RALGAPA1: variants seen among roughly 807,000 people sequenced by gnomAD.
RALGAPA1 encodes the protein Ral GTPase activating protein catalytic subunit alpha 1.
A neutral mutation model predicts 269.6 loss-of-function variants in RALGAPA1; 52 were observed. That is an observed-to-expected ratio of 0.19 (90% CI 0.15 to 0.24). The LOEUF is 0.24. Among genes scored for constraint, RALGAPA1 ranks in the 10% least tolerant of loss-of-function variants. The pLI, the probability that RALGAPA1 is intolerant of heterozygous loss-of-function variation, is 1.00. For synonymous variants in RALGAPA1, 817 were observed against 1,008.3 expected (o/e 0.81, Z 3.60); for missense variants, 1,917 against 3,013.9 (o/e 0.64, Z 8.52).
chr14:35,685,981 T>G (rs930316595), intron 19 of RALGAPA1, among the ~76,000 whole-genome samples: 7 of 152,154 alleles, frequency 4.6e-5, no homozygotes, highest in Admixed American at 1.3e-4. Flanking sequence ...GTTGCCATAC[T>G]CCTAACATTC....
intron 35 of RALGAPA1, among the ~76,000 whole-genome samples, chr14:35,610,696 C>A (rs990330145): frequency 1.3e-5 from 2 of 152,124 alleles, no homozygotes; most frequent in Non-Finnish European, 1.5e-5. Context: ...GCAAAAATAT[C>A]TGACTTGCAC....
intron 39 of RALGAPA1, among the ~76,000 whole-genome samples, chr14:35,556,169 A>T (rs2055583949): frequency 6.6e-6 from 1 of 152,160 alleles, no homozygotes; most frequent in African/African-American, 2.4e-5. Context: ...AAAAATAAGA[A>T]TTTTATTGAG....
intron 4 of RALGAPA1, chr14:35,766,042 G>T (rs533413058): frequency 7.3e-7 from 1 of 1,366,598 alleles, no homozygotes; most frequent in African/African-American, 1.4e-5. Flanking sequence ...CTGATAACTG[G>T]AGGAAGCTCA....
chr14:35,679,397 G>T (rs1471026663), intron 21 of RALGAPA1, among the ~76,000 whole-genome samples: 1 of 152,192 alleles, frequency 6.6e-6, no homozygotes, highest in Non-Finnish European at 1.5e-5. Context: ...TGAAAATATG[G>T]TAAGTCAAAA....
chr14:35,763,983 T>G (rs1488891552), intron 4 of RALGAPA1, among the ~76,000 whole-genome samples: 1 of 152,210 alleles, frequency 6.6e-6, no homozygotes, highest in Non-Finnish European at 1.5e-5. Context: ...GTTAACTATC[T>G]TAATGTTGCT....
intron 1 of RALGAPA1, among the ~76,000 whole-genome samples, chr14:35,781,585 TC>T (rs1188505087): frequency 1.4e-5 from 2 of 140,238 alleles, no homozygotes; most frequent in Non-Finnish European, 3.0e-5. Context: ...AATCTATCTA[TC>T]TATCTATCTA....
chr14:35,796,604 GTGA>G (rs1167651581), intron 1 of RALGAPA1, among the ~76,000 whole-genome samples: 3 of 152,032 alleles, frequency 2.0e-5, no homozygotes, highest in African/African-American at 4.8e-5. Flanking sequence ...CTCAACACCA[GTGA>G]TGAAGAGGTC....
intron 31 of RALGAPA1, among the ~76,000 whole-genome samples, chr14:35,637,091 T>C (rs1265502346): frequency 2.0e-5 from 3 of 152,020 alleles, no homozygotes; most frequent in Non-Finnish European, 4.4e-5. Flanking sequence ...AAGGTAATGC[T>C]TAGGGGGAGA....
At position 35,742,473 on chromosome 14, in the gene RALGAPA1, G is replaced by A; in HGVS notation, c.1344C>T (p.Phe448=). Residue 448 remains phenylalanine, a synonymous_variant, in exon 11 of 42, where the codon TTC becomes TTT. Transcript: ENST00000680220. ...TCACAATTTCTTCAGGCTCTTGCAT[G>A]AACAAAGGTTTTTCCTCTTGTTGGA... is the stretch of plus-strand genomic sequence containing the variant. ...EWIQQEEKPL[F]MQEPEEIVIT... is the part of the protein sequence containing the mutation. The A allele has an allele frequency of 6.2e-7, 1 of 1,600,634 alleles. No homozygotes were observed.
chr14:35,693,900 G>A (rs2066694731), intron 17 of RALGAPA1, among the ~76,000 whole-genome samples: 1 of 151,894 alleles, frequency 6.6e-6, no homozygotes, highest in African/African-American at 2.4e-5. Context: ...TCCTGTGTTA[G>A]TTTGAAAGGA....
At chr14:35,539,819 C>A in intron 41 of RALGAPA1, 129 bp from the exon 42 acceptor site, 2 of 1,344,144 alleles carry the variant, frequency 1.5e-6, no homozygotes, top group Middle Eastern at 2.1e-4. Flanking sequence ...AAAAGCAAGC[C>A]CCAAACTTGC....
At chr14:35,673,708 G>C (rs777434576) in intron 24 of RALGAPA1, among the ~76,000 whole-genome samples, 1 of 152,228 alleles carries the variant, frequency 6.6e-6, no homozygotes, top group East Asian at 1.9e-4. Flanking sequence ...AGCCTCTCGA[G>C]TAGCTGGGAT....
rs898077609 is a variant in RALGAPA1, at chr14:35,567,277, C to T, written c.7496+3340G>A. On this transcript the variant is annotated intron_variant, in intron 39 of 41. Transcript: ENST00000680220. Reference sequence around the variant, plus strand: ...GTAGGCCTGAAAAATCCAACCCAATCGATCAACCTACCAATCAACCAAACA... The same window carrying T: ...GTAGGCCTGAAAAATCCAACCCAATTGATCAACCTACCAATCAACCAAACA... 7.2e-5 allele frequency among the ~76,000 whole-genome samples: 11 copies of T among 152,176 alleles called. 1 individual carries two copies. Among genetic ancestry groups the T allele is most frequent in the African/African-American group, 1.7e-4 (7 of 41,564 alleles).
At chr14:35,801,515 G>C (rs781054871) in intron 1 of RALGAPA1, among the ~76,000 whole-genome samples, 8 of 152,102 alleles carry the variant, frequency 5.3e-5, no homozygotes, top group Non-Finnish European at 7.4e-5. Flanking sequence ...TGATCCACCC[G>C]CCTTGGCCTC....
intron 16 of RALGAPA1, among the ~76,000 whole-genome samples, chr14:35,721,203 CA>C (rs1321390592): frequency 6.6e-6 from 1 of 152,136 alleles, no homozygotes; most frequent in Admixed American, 6.5e-5. Context: ...TTGTTAAAAG[CA>C]GCAAGAAACT....
intron 27 of RALGAPA1, among the ~76,000 whole-genome samples, chr14:35,662,790 A>C (rs2063627691): frequency 6.6e-6 from 1 of 152,226 alleles, no homozygotes; most frequent in African/African-American, 2.4e-5. Flanking sequence ...CAGAACAGTA[A>C]AAAACAAAAC....
intron 31 of RALGAPA1, among the ~76,000 whole-genome samples, chr14:35,649,810 T>C (rs2062692992): frequency 6.6e-6 from 1 of 152,220 alleles, no homozygotes; most frequent in Admixed American, 6.5e-5. Flanking sequence ...AATTTTTAAA[T>C]TCCATGAGAA....
intron 17 of RALGAPA1, among the ~76,000 whole-genome samples, chr14:35,697,335 TTTTTGTTTTG>T (rs148372620): frequency 1.3e-5 from 2 of 151,556 alleles, no homozygotes; most frequent in Admixed American, 1.3e-4. Flanking sequence ...ACAGTGTTTT[TTTTTGTTTTG>T]TTTTGTTTTG....
At chr14:35,624,856 A>C (rs78052351) in intron 35 of RALGAPA1, among the ~76,000 whole-genome samples, 6,700 of 152,216 alleles carry the variant, frequency 0.044, 386 homozygotes, top group South Asian at 0.14. Context: ...AGGTCCAGTT[A>C]GTTTTCTGTG....
Sources: allele counts gnomAD v4.1 joint callset (sites outside exome capture counted in the v4.1 genomes callset), GRCh38; gene constraint gnomAD v4.1.1; transcripts MANE v1.5; gene names NCBI Gene and HGNC (gene_info 2026-07-23, HGNC 2026-07-21).